ADCY3: variants seen among roughly 807,000 people sequenced by gnomAD.
The protein encoded by ADCY3 is adenylate cyclase 3.
In ADCY3, 70 loss-of-function variants were observed where a neutral mutation model predicts 119.4. The observed-to-expected ratio is 0.59, with a 90% CI of 0.48 to 0.72. The LOEUF (loss-of-function observed/expected upper bound fraction) is 0.72. Among genes scored for constraint, ADCY3 ranks in the 30% least tolerant of loss-of-function variants. The pLI is 0.00. For synonymous variants in ADCY3, 672 were observed against 621.4 expected (o/e 1.08, Z -1.21); for missense variants, 1,238 against 1,541.6 (o/e 0.80, Z 3.30).
chr2:24,827,815 C>G, intron 14 of ADCY3, 87 bp downstream of exon 14: 4 of 1,580,780 alleles, frequency 2.5e-6, no homozygotes, highest in Non-Finnish European at 3.4e-6. Context: ...AGAAAGCCAC[C>G]TCAGCACAGG....
Position 24,916,600 on chromosome 2 carries a change from T to C in ADCY3, c.675+1713A>G, listed in dbSNP as rs189894614. ...AGGAGGCTAAGGCAGAAGAATAGCT[T>C]GAACCTGGGAGGCGGAGGTTGCAGT... On this transcript the variant is annotated intron_variant, in intron 2 of 21. Coordinates refer to ENST00000679454, the MANE Select transcript of ADCY3 (RefSeq NM_004036.5). Among the ~76,000 whole-genome samples, 159 of 152,146 alleles carry C rather than the reference T, an allele frequency of 1.0e-3. 4 individuals carry two copies. The highest frequency in any genetic ancestry group is 3.6e-3 in the African/African-American group (150 of 41,508).
intron 2 of ADCY3, among the ~76,000 whole-genome samples, chr2:24,881,389 C>A (rs1323269584): frequency 6.6e-6 from 1 of 152,150 alleles, no homozygotes; most frequent in East Asian, 1.9e-4. Flanking sequence ...ACAGGTCTCT[C>A]GGAAGCAGTG....
chr2:24,906,619 G>A (rs1679473260), intron 2 of ADCY3, among the ~76,000 whole-genome samples: 1 of 152,258 alleles, frequency 6.6e-6, no homozygotes, highest in Non-Finnish European at 1.5e-5. Context: ...CACGTGGGAG[G>A]ATGAACAACC....
At chr2:24,825,150 A>G (rs1439248340) in intron 16 of ADCY3, among the ~76,000 whole-genome samples, 1 of 152,092 alleles carries the variant, frequency 6.6e-6, no homozygotes, top group African/African-American at 2.4e-5. Flanking sequence ...CTCCCAACTC[A>G]GGGTGGAGTC....
intron 3 of ADCY3, among the ~76,000 whole-genome samples, chr2:24,854,260 C>T (rs891819937): frequency 2.0e-5 from 3 of 152,206 alleles, no homozygotes; most frequent in African/African-American, 7.2e-5. Flanking sequence ...ATAGTAATGA[C>T]TAATCCCAAA....
chr2:24,918,741 C>G lies in ADCY3; in HGVS notation c.247G>C (p.Val83Leu), dbSNP rs1439893452. The G allele has an allele frequency of 6.2e-7, 1 of 1,614,108 alleles. No homozygotes were observed. The highest frequency in any genetic ancestry group is 1.3e-5 in the African/African-American group (1 of 75,050). Reference sequence around the variant, plus strand: ...TAGCAGTCAAAGAGGGCTGCAAAGACCACCAGCACCAGCAGGGTCTCGTGG... The same window carrying G: ...TAGCAGTCAAAGAGGGCTGCAAAGAGCACCAGCACCAGCAGGGTCTCGTGG... ...QRHETLLVLVVFAALFDCYVV... is the reference protein window; with the variant it reads ...QRHETLLVLVLFAALFDCYVV... The change falls in exon 2 of 22, where the codon GTC becomes CTC. Residue 83 changes from valine (V) to leucine (L), a missense_variant. Around this residue, in one of 7 missense-constraint regions of ADCY3, gnomAD observed 227 missense variants for 249.3 expected, o/e 0.91. Coordinates refer to ENST00000679454, the MANE Select transcript of ADCY3 (RefSeq NM_004036.5). The surrounding 1 kb of genome is among the most constrained non-coding windows in gnomAD (Gnocchi z 5.4).
intron 3 of ADCY3, among the ~76,000 whole-genome samples, chr2:24,850,431 C>G (rs1005320454): frequency 2.6e-5 from 4 of 152,160 alleles, no homozygotes; most frequent in African/African-American, 9.7e-5. Context: ...TCCAGGTGAA[C>G]TGGCAAATGG....
At chr2:24,901,381 A>C (rs1678883085) in intron 2 of ADCY3, among the ~76,000 whole-genome samples, 1 of 152,256 alleles carries the variant, frequency 6.6e-6, no homozygotes, top group African/African-American at 2.4e-5. Context: ...AATTAAATAT[A>C]ACCTACACAG....
At chr2:24,840,246 C>T (rs1670838438) in intron 6 of ADCY3, among the ~76,000 whole-genome samples, 1 of 152,236 alleles carries the variant, frequency 6.6e-6, no homozygotes, top group Admixed American at 6.5e-5. Context: ...GGGCACCAAG[C>T]GACTTTCCTC....
Position 24,872,761 on chromosome 2 carries a change from G to C in ADCY3, c.676-42C>G. On this transcript the variant is annotated intron_variant, in intron 2 of 21. Coordinates refer to ENST00000679454, the MANE Select transcript of ADCY3 (RefSeq NM_004036.5). The surrounding 1 kb of genome is among the most constrained non-coding windows in gnomAD (Gnocchi z 4.4). Reference sequence around the variant, plus strand: ...AAGAGAGAAAAGGCCAGGGGTGAAGGCACGTCTTCAGAAAAGGGGATGGAG... The same window carrying C: ...AAGAGAGAAAAGGCCAGGGGTGAAGCCACGTCTTCAGAAAAGGGGATGGAG... The C allele has an allele frequency of 6.3e-7, 1 of 1,595,450 alleles. No individual in the cohort carries two copies. The highest frequency in any genetic ancestry group is 8.6e-7 in the Non-Finnish European group (1 of 1,167,084).
At chr2:24,883,662 T>C (rs539061220) in intron 2 of ADCY3, among the ~76,000 whole-genome samples, 1 of 152,362 alleles carries the variant, frequency 6.6e-6, no homozygotes, top group Non-Finnish European at 1.5e-5. Flanking sequence ...ATCACACAGA[T>C]CACCTGACTT....
chr2:24,919,235 T>G lies in ADCY3; in HGVS notation c.-197-51A>C. ...GCACCTCTTCCCTCCTACCTTGCGGTTTCCCCATGACCCGCCCTAACCCTC... is the reference window on the plus strand; with the variant it reads ...GCACCTCTTCCCTCCTACCTTGCGGGTTCCCCATGACCCGCCCTAACCCTC... On this transcript the variant is annotated intron_variant, in intron 1 of 21. Coordinates refer to ENST00000679454, the MANE Select transcript of ADCY3 (RefSeq NM_004036.5). This position sits in a 1 kb window ranked among gnomAD's most constrained non-coding sequence, Gnocchi z 5.5. 1.9e-6 allele frequency: 1 copy of G among 513,482 alleles called. No homozygotes were observed. Among genetic ancestry groups the G allele is most frequent in the Non-Finnish European group, 3.5e-6 (1 of 284,772 alleles). 31.8% of individuals were successfully genotyped at this position (513,482 alleles called of 1,614,324 possible). A position where few individuals can be genotyped will look rare whatever the true frequency, so the allele number is the denominator to read the frequency against.
intron 3 of ADCY3, among the ~76,000 whole-genome samples, chr2:24,846,557 G>T (rs1301460707): frequency 2.0e-5 from 3 of 151,900 alleles, no homozygotes; most frequent in African/African-American, 7.3e-5. Flanking sequence ...CATGTATCTG[G>T]AAGTAACTAG....
intron 2 of ADCY3, among the ~76,000 whole-genome samples, chr2:24,890,622 T>C (rs981139900): frequency 1.3e-5 from 2 of 152,190 alleles, no homozygotes; most frequent in African/African-American, 4.8e-5. Flanking sequence ...TCTCTGAGTG[T>C]CTGTATGATC....
At position 24,860,358 on chromosome 2, in the gene ADCY3, G is replaced by C. The variant is rs541407044; in HGVS notation, c.825+12212C>G. The stretch of plus-strand genomic sequence containing the variant: ...CCCTCACATGCCCACAGAGCCGGGA[G>C]GCTGGACCAAGGTCAGCATGCACCC... On this transcript the variant is annotated intron_variant, in intron 3 of 21. Coordinates refer to ENST00000679454, the MANE Select transcript of ADCY3 (RefSeq NM_004036.5). Among the ~76,000 whole-genome samples the C allele has an allele frequency of 6.6e-5, 10 of 152,364 alleles. No homozygotes were observed. The East Asian group carries it at 1.5e-3, about 23-fold the overall frequency.
At chr2:24,852,141 G>A (rs942620211) in intron 3 of ADCY3, among the ~76,000 whole-genome samples, 9 of 152,276 alleles carry the variant, frequency 5.9e-5, no homozygotes, top group South Asian at 2.1e-4. Flanking sequence ...CCACCTGGGC[G>A]TGGGAATCAG....
intron 2 of ADCY3, among the ~76,000 whole-genome samples, chr2:24,884,601 G>T (rs868674109): frequency 6.8e-6 from 1 of 147,234 alleles, no homozygotes; most frequent in East Asian, 2.1e-4. Context: ...TCAGCCTCCC[G>T]AGTATCTGGG....
At chr2:24,905,109 G>A (rs1193362960) in intron 2 of ADCY3, among the ~76,000 whole-genome samples, 5 of 151,694 alleles carry the variant, frequency 3.3e-5, no homozygotes, top group Non-Finnish European at 7.4e-5. Context: ...GTGGGGAAAT[G>A]GTGAATAATT....
intron 11 of ADCY3, among the ~76,000 whole-genome samples, chr2:24,833,169 T>G (rs1322595376): frequency 1.3e-5 from 2 of 152,212 alleles, no homozygotes; most frequent in African/African-American, 2.4e-5. Context: ...TCCAGGCATA[T>G]GTCACAACAG....
Sources: gnomAD v4.1 joint callset for allele counts (sites outside exome capture counted in the v4.1 genomes callset) on GRCh38, gnomAD v4.1.1 for gene constraint, gnomAD v4.1.1 regional missense constraint, Gnocchi (gnomAD v3.1) non-coding constraint, MANE v1.5 for transcripts, NCBI Gene and HGNC (gene_info 2026-07-23, HGNC 2026-07-21) for gene names.